The following DRD5 variants were observed in gnomAD, a reference collection of about 807,000 sequenced individuals.
The protein encoded by DRD5 is dopamine receptor D5, also known as D(1B) dopamine receptor.
For missense variants in DRD5, 758 were observed against 657.8 expected, an observed-to-expected ratio of 1.15 and a Z score of -1.67; for synonymous variants, 327 against 277.1, an observed-to-expected ratio of 1.18 and a Z score of -1.79.
Position 9,782,027 on chromosome 4 carries a change from G to T in DRD5, c.-3G>T. 6.9e-7 allele frequency: 1 copy of T among 1,457,684 alleles called. No individual in the cohort carries two copies. The highest frequency in any genetic ancestry group is 1.4e-5 in the South Asian group (1 of 69,486). 90.3% of individuals were successfully genotyped at this position (1,457,684 alleles called of 1,614,324 possible). ...ACAGACCGCCCCTGCAGTCCAGCCC[G>T]AAATGCTGCCGCCAGGCAGCAACGG... On this transcript the variant is annotated 5_prime_UTR_variant, in exon 1 of 1. Coordinates refer to ENST00000304374, the MANE Select transcript of DRD5 (RefSeq NM_000798.5).
rs1329513526 is a variant in DRD5 at position 9,783,401 on chromosome 4, G to A, written c.1372G>A (p.Asp458Asn). Reference protein sequence around the residue: ...DPVAESVWELDCEGEISLDKI... With the variant: ...DPVAESVWELNCEGEISLDKI... ...TGTTGCTGAGTCTGTCTGGGAGCTGGACTGCGAGGGGGAGATTTCTTTAGA... is the reference window on the plus strand; with the variant it reads ...TGTTGCTGAGTCTGTCTGGGAGCTGAACTGCGAGGGGGAGATTTCTTTAGA... The change falls in exon 1 of 1, where the codon GAC (aspartate) becomes AAC (asparagine). Residue 458 changes from aspartate to asparagine, a missense_variant. Physicochemically the swap from Asp to Asn is conservative, Grantham distance 23. Coordinates refer to ENST00000304374, the MANE Select transcript of DRD5 (RefSeq NM_000798.5). 6.2e-7 allele frequency: 1 copy of A among 1,614,012 alleles called. No homozygotes were observed. Among genetic ancestry groups the A allele is most frequent in the African/African-American group, 1.3e-5 (1 of 74,926 alleles).
rs1016905856 is a variant in DRD5, at chr4:9,783,539, A to G, written c.*76A>G. On this transcript the variant is annotated 3_prime_UTR_variant, in exon 1 of 1. Transcript: ENST00000304374. ...CAAGCACGCACACACACGCAAATAC[A>G]TGCCTTTCCAGTGCTGCTCCCTTTA... 3.6e-5 allele frequency: 48 copies of G among 1,341,240 alleles called. No individual in the cohort carries two copies. Among genetic ancestry groups the G allele is most frequent in the Non-Finnish European group, 4.4e-5 (43 of 977,802 alleles). 83.1% of individuals were successfully genotyped at this position (1,341,240 alleles called of 1,614,324 possible).
rs530028740 is a variant in DRD5 at position 9,782,627 on chromosome 4, T to A, written c.598T>A (p.Trp200Arg). 2 of 1,613,986 alleles carry A rather than the reference T, an allele frequency of 1.2e-6. No homozygotes were observed. The highest frequency in any genetic ancestry group is 2.7e-5 in the African/African-American group (2 of 75,060). Residue 200 changes from tryptophan (W) to arginine (R), a missense_variant, in exon 1 of 1, where the codon TGG becomes AGG. By Grantham distance (101) the Trp-to-Arg change is moderately radical. Coordinates refer to ENST00000304374, the MANE Select transcript of DRD5 (RefSeq NM_000798.5). ...GLDLPNNLAN[W>R]TPWEEDFWEP... is the part of the protein sequence containing the mutation. ...GGACCTGCCAAACAACCTGGCCAAC[T>A]GGACGCCCTGGGAGGAGGACTTTTG... is the stretch of plus-strand genomic sequence containing the variant.
Position 9,783,285 on chromosome 4 carries a change from C to A in DRD5, c.1256C>A (p.Thr419Asn). Residue 419 changes from threonine (T) to asparagine (N), a missense_variant, in exon 1 of 1, where the codon ACC (threonine) becomes AAC (asparagine). By Grantham distance (65) the Thr-to-Asn change is moderately conservative. Coordinates refer to ENST00000304374, the MANE Select transcript of DRD5 (RefSeq NM_000798.5). ...ATCCACATGATGCCCAACGCCGTTA[C>A]CCCCGGCAACCGGGAGGTGGACAAC... Reference protein sequence around the residue: ...AYIHMMPNAVTPGNREVDNDE... With the variant: ...AYIHMMPNAVNPGNREVDNDE... 1 of 1,614,206 alleles carries A rather than the reference C, an allele frequency of 6.2e-7. No individual in the cohort carries two copies. The highest frequency in any genetic ancestry group is 1.3e-5 in the African/African-American group (1 of 75,056).
chr4:9,782,755 C>G lies in DRD5; in HGVS notation c.726C>G (p.Ile242Met). The G allele has an allele frequency of 6.2e-7, 1 of 1,614,022 alleles. No homozygotes were observed. Among genetic ancestry groups the G allele is most frequent in the Non-Finnish European group, 8.5e-7 (1 of 1,179,880 alleles). Residue 242 changes from isoleucine to methionine, a missense_variant, in exon 1 of 1, where the codon ATC becomes ATG. Coordinates refer to ENST00000304374, the MANE Select transcript of DRD5 (RefSeq NM_000798.5). ...ISFYIPVAIM[I>M]VTYTRIYRIA... ...TCTACATCCCCGTTGCCATCATGAT[C>G]GTGACCTACACGCGCATCTACCGCA...
At position 9,782,606 on chromosome 4, in the gene DRD5, CT is replaced by C; in HGVS notation, c.578del (p.Leu193ArgfsTer20). 6.2e-7 allele frequency: 1 copy of C among 1,614,002 alleles called. No homozygotes were observed. The highest frequency in any genetic ancestry group is 8.5e-7 in the Non-Finnish European group (1 of 1,179,874). On this transcript the variant is annotated frameshift_variant, in exon 1 of 1. Coordinates refer to ENST00000304374, the MANE Select transcript of DRD5 (RefSeq NM_000798.5). LOFTEE classifies it low-confidence loss of function (END_TRUNC). Reference protein sequence around the residue: ...DQAASWGGLDLPNNLANWTPW... With the variant: ...DQAASWGGLDXPNNLANWTPW... ...GGCGGCCTCTTGGGGCGGGCTGGACCTGCCAAACAACCTGGCCAACTGGACG... is the reference window on the plus strand; with the variant it reads ...GGCGGCCTCTTGGGGCGGGCTGGACCGCCAAACAACCTGGCCAACTGGACG...
chr4:9,783,611 A>G lies in DRD5; in HGVS notation c.*148A>G. On this transcript the variant is annotated 3_prime_UTR_variant, in exon 1 of 1. Transcript: ENST00000304374. ...CTCGTGTGCTTAGAAACCTCACCCCATTGATTGGTAGTTCGAAGAATTGGC... is the reference window on the plus strand; with the variant it reads ...CTCGTGTGCTTAGAAACCTCACCCCGTTGATTGGTAGTTCGAAGAATTGGC... 1 of 754,100 alleles carries G rather than the reference A, an allele frequency of 1.3e-6. No homozygotes were observed. The highest frequency in any genetic ancestry group is 2.1e-6 in the Non-Finnish European group (1 of 469,714). 46.7% of individuals were successfully genotyped at this position (754,100 alleles called of 1,614,324 possible). A position where few individuals can be genotyped will look rare whatever the true frequency, so the allele number is the denominator to read the frequency against.
At position 9,783,163 on chromosome 4, in the gene DRD5, C is replaced by T; in HGVS notation, c.1134C>T (p.Phe378=). 6.2e-7 allele frequency: 1 copy of T among 1,614,266 alleles called. No homozygotes were observed. Among genetic ancestry groups the T allele is most frequent in the Non-Finnish European group, 8.5e-7 (1 of 1,180,050 alleles). ...VFAQLLGCSH[F]CSRTPVETVN... is the part of the protein sequence containing the mutation. ...CCCAGCTGCTGGGGTGCAGCCACTT[C>T]TGCTCCCGCACGCCGGTGGAGACGG... The change falls in exon 1 of 1, where the codon TTC becomes TTT. Residue 378 remains phenylalanine, a synonymous_variant. Transcript: ENST00000304374.
rs745499859 is a variant in DRD5, at chr4:9,783,490, T to C, written c.*27T>C. On this transcript the variant is annotated 3_prime_UTR_variant, in exon 1 of 1. Coordinates refer to ENST00000304374, the MANE Select transcript of DRD5 (RefSeq NM_000798.5). ...CTGCATTAAGAAACCCCCTCATGGA[T>C]CTGCATAACCGCACAGACATTGACA... 1 of 1,572,474 alleles carries C rather than the reference T, an allele frequency of 6.4e-7. No homozygotes were observed. The highest frequency in any genetic ancestry group is 8.6e-7 in the Non-Finnish European group (1 of 1,157,554).
In DRD5 at chr4:9,782,597, G is replaced by C. The variant is rs144132215; in HGVS notation, c.568G>C (p.Gly190Arg). Residue 190 changes from glycine to arginine, a missense_variant, in exon 1 of 1, where the codon GGG becomes CGG. Coordinates refer to ENST00000304374, the MANE Select transcript of DRD5 (RefSeq NM_000798.5). ...WHRDQAASWG[G>R]LDLPNNLANW... ...CAGGGACCAGGCGGCCTCTTGGGGC[G>C]GGCTGGACCTGCCAAACAACCTGGC... 6.2e-7 allele frequency: 1 copy of C among 1,613,942 alleles called. No individual in the cohort carries two copies. Among genetic ancestry groups the C allele is most frequent in the South Asian group, 1.1e-5 (1 of 91,072 alleles).
chr4:9,782,246 G>A lies in DRD5; in HGVS notation c.217G>A (p.Ala73Thr). ...CATCGTGCGGAGCCGCCACCTGCGCGCCAACATGACCAACGTCTTCATCGT... is the reference window on the plus strand; with the variant it reads ...CATCGTGCGGAGCCGCCACCTGCGCACCAACATGACCAACGTCTTCATCGT... ...AAIVRSRHLR[A>T]NMTNVFIVSL... Residue 73 changes from alanine to threonine, a missense_variant, in exon 1 of 1, where the codon GCC becomes ACC. Ala to Thr is a moderately conservative substitution (Grantham distance 58, BLOSUM62 0). Transcript: ENST00000304374. 1 of 1,613,584 alleles carries A rather than the reference G, an allele frequency of 6.2e-7. No individual in the cohort carries two copies.
At position 9,783,348 on chromosome 4, in the gene DRD5, T is replaced by C. The variant is rs1429813838; in HGVS notation, c.1319T>C (p.Ile440Thr). The change falls in exon 1 of 1, where the codon ATC becomes ACC. Residue 440 changes from isoleucine (I) to threonine (T), a missense_variant. Ile to Thr is a moderately conservative substitution (Grantham distance 89). Coordinates refer to ENST00000304374, the MANE Select transcript of DRD5 (RefSeq NM_000798.5). Reference protein sequence around the residue: ...EEGPFDRMFQIYQTSPDGDPV... With the variant: ...EEGPFDRMFQTYQTSPDGDPV... ...GGTCCTTTCGATCGCATGTTCCAGA[T>C]CTATCAGACGTCCCCAGATGGTGAC... is the stretch of plus-strand genomic sequence containing the variant. 1 of 1,614,046 alleles carries C rather than the reference T, an allele frequency of 6.2e-7. No individual in the cohort carries two copies. Among genetic ancestry groups the C allele is most frequent in the African/African-American group, 1.3e-5 (1 of 74,896 alleles).
Position 9,782,343 on chromosome 4 carries a change from G to C in DRD5, c.314G>C (p.Gly105Ala), listed in dbSNP as rs1205305697. The C allele has an allele frequency of 3.1e-6, 5 of 1,613,940 alleles. No homozygotes were observed. Among genetic ancestry groups the C allele is most frequent in the African/African-American group, 1.3e-5 (1 of 74,948 alleles). The change falls in exon 1 of 1, where the codon GGT becomes GCT. Residue 105 changes from glycine (G) to alanine (A), a missense_variant. By Grantham distance (60) the Gly-to-Ala change is moderately conservative. Transcript: ENST00000304374. ...MPWKAVAEVA[G>A]YWPFGAFCDV... is the part of the protein sequence containing the mutation. ...TGGAAGGCAGTCGCCGAGGTGGCCGGTTACTGGCCCTTTGGAGCGTTCTGC... is the reference window on the plus strand; with the variant it reads ...TGGAAGGCAGTCGCCGAGGTGGCCGCTTACTGGCCCTTTGGAGCGTTCTGC...
chr4:9,782,579 C>A lies in DRD5; in HGVS notation c.550C>A (p.Gln184Lys). ...IPVQLNWHRD[Q>K]AASWGGLDLP... is the part of the protein sequence containing the mutation. ...GGTCCAGCTCAACTGGCACAGGGACCAGGCGGCCTCTTGGGGCGGGCTGGA... is the reference window on the plus strand; with the variant it reads ...GGTCCAGCTCAACTGGCACAGGGACAAGGCGGCCTCTTGGGGCGGGCTGGA... The change falls in exon 1 of 1, where the codon CAG (glutamine) becomes AAG (lysine). Residue 184 changes from glutamine (Q) to lysine (K), a missense_variant. Transcript: ENST00000304374. 2 of 1,613,952 alleles carry A rather than the reference C, an allele frequency of 1.2e-6. No homozygotes were observed. Among genetic ancestry groups the A allele is most frequent in the African/African-American group, 2.7e-5 (2 of 75,056 alleles).
In DRD5 at chr4:9,781,817, G is replaced by A; in HGVS notation, c.-213G>A. On this transcript the variant is annotated 5_prime_UTR_variant, in exon 1 of 1. Coordinates refer to ENST00000304374, the MANE Select transcript of DRD5 (RefSeq NM_000798.5). ...TGTCCCCATCGCGGAGACTGGAGGG[G>A]CGCACCACGGCCATGGAGCCAGAGG... The A allele has an allele frequency of 2.3e-6, 1 of 437,402 alleles. No homozygotes were observed. Among genetic ancestry groups the A allele is most frequent in the Admixed American group, 4.0e-5 (1 of 24,930 alleles). The allele number at this position is 437,402 out of a possible 1,614,324, so 27.1% of individuals were successfully genotyped here. A position where few individuals can be genotyped will look rare whatever the true frequency, so the allele number is the denominator to read the frequency against.
In DRD5 at chr4:9,782,066, G is replaced by A. The variant is rs1718480918; in HGVS notation, c.37G>A (p.Gly13Arg). 6.7e-7 allele frequency: 1 copy of A among 1,495,996 alleles called. No individual in the cohort carries two copies. The highest frequency in any genetic ancestry group is 8.9e-7 in the Non-Finnish European group (1 of 1,126,464). The allele number at this position is 1,495,996 out of a possible 1,614,324, so 92.7% of individuals were successfully genotyped here. Residue 13 changes from glycine (G) to arginine (R), a missense_variant, in exon 1 of 1, where the codon GGG (glycine) becomes AGG (arginine). Coordinates refer to ENST00000304374, the MANE Select transcript of DRD5 (RefSeq NM_000798.5). ...PPGSNGTAYPGQFALYQQLAQ... is the reference protein window; with the variant it reads ...PPGSNGTAYPRQFALYQQLAQ... ...AGGCAGCAACGGCACCGCGTACCCG[G>A]GGCAGTTCGCTCTATACCAGCAGCT... is the stretch of plus-strand genomic sequence containing the variant.
Position 9,783,298 on chromosome 4 carries a change from G to C in DRD5, c.1269G>C (p.Arg423=), listed in dbSNP as rs1718760609. 1.2e-6 allele frequency: 2 copies of C among 1,614,214 alleles called. No homozygotes were observed. The highest frequency in any genetic ancestry group is 1.7e-6 in the Non-Finnish European group (2 of 1,180,040). The stretch of plus-strand genomic sequence containing the variant: ...CCAACGCCGTTACCCCCGGCAACCG[G>C]GAGGTGGACAACGACGAGGAGGAGG... ...MMPNAVTPGN[R]EVDNDEEEGP... Residue 423 remains arginine, a synonymous_variant, in exon 1 of 1, where the codon CGG becomes CGC. Transcript: ENST00000304374.
At position 9,783,590 on chromosome 4, in the gene DRD5, T is replaced by G. The variant is rs1333154617; in HGVS notation, c.*127T>G. The stretch of plus-strand genomic sequence containing the variant: ...TCATGTGTTTCTGTGTAGTAGCTCG[T>G]GTGCTTAGAAACCTCACCCCATTGA... On this transcript the variant is annotated 3_prime_UTR_variant, in exon 1 of 1. Coordinates refer to ENST00000304374, the MANE Select transcript of DRD5 (RefSeq NM_000798.5). 1.1e-6 allele frequency: 1 copy of G among 935,318 alleles called. No homozygotes were observed. The highest frequency in any genetic ancestry group is 1.7e-5 in the African/African-American group (1 of 59,744). The allele number at this position is 935,318 out of a possible 1,614,324, so 57.9% of individuals were successfully genotyped here.
chr4:9,783,277 C>A lies in DRD5; in HGVS notation c.1248C>A (p.Asn416Lys). Residue 416 changes from asparagine to lysine, a missense_variant, in exon 1 of 1, where the codon AAC (asparagine) becomes AAA (lysine). Physicochemically the swap from Asn to Lys is moderately conservative, Grantham distance 94. Coordinates refer to ENST00000304374, the MANE Select transcript of DRD5 (RefSeq NM_000798.5). ...CTGCCTACATCCACATGATGCCCAACGCCGTTACCCCCGGCAACCGGGAGG... is the reference window on the plus strand; with the variant it reads ...CTGCCTACATCCACATGATGCCCAAAGCCGTTACCCCCGGCAACCGGGAGG... ...IAAAYIHMMP[N>K]AVTPGNREVD... 2.5e-6 allele frequency: 4 copies of A among 1,614,218 alleles called. No individual in the cohort carries two copies. The highest frequency in any genetic ancestry group is 2.5e-6 in the Non-Finnish European group (3 of 1,180,044).
Sources: gnomAD v4.1 joint callset for allele counts on GRCh38, gnomAD v4.1.1 for gene constraint, MANE v1.5 for transcripts, NCBI Gene and HGNC (gene_info 2026-07-23, HGNC 2026-07-21) for gene names.